Variants in SGCD observed in about 807,000 individuals in gnomAD.
SGCD encodes the protein sarcoglycan delta, also known as delta-sarcoglycan.
SGCD carries 18 observed loss-of-function variants against 36.6 expected under a neutral mutation model. The observed-to-expected ratio is 0.49, with a 90% CI of 0.34 to 0.73. The LOEUF (loss-of-function observed/expected upper bound fraction) is 0.73, where lower values mean the gene tolerates loss of function less well. Among genes scored for constraint, SGCD ranks in the 30% least tolerant of loss-of-function variants. SGCD has a pLI of 0.01. For synonymous variants in SGCD, 133 were observed against 130.6 expected, an observed-to-expected ratio of 1.02 and a Z score of -0.12; for missense variants, 387 against 346.7, an observed-to-expected ratio of 1.12 and a Z score of -0.92.
intron 3 of SGCD, among the ~76,000 whole-genome samples, chr5:156,205,352 C>G (rs1488096928): frequency 6.6e-6 from 1 of 151,794 alleles, no homozygotes; most frequent in South Asian, 2.1e-4. Flanking sequence ...CAAACAATGG[C>G]AAATAAATGA....
At chr5:155,770,997 A>G in the SGCD span, among the ~76,000 whole-genome samples, 1 of 152,032 alleles carries the variant, frequency 6.6e-6, no homozygotes, top group Non-Finnish European at 1.5e-5. Context: ...TTTTTCTTTA[A>G]CAAAAGAAGT....
intron 3 of SGCD, among the ~76,000 whole-genome samples, chr5:156,285,122 T>C (rs2127674885): frequency 6.6e-6 from 1 of 152,280 alleles, no homozygotes; most frequent in African/African-American, 2.4e-5. Flanking sequence ...ACAAGGGATA[T>C]GAAGGACCTC....
At chr5:155,879,990 G>A (rs1398634382) in intron 1 of SGCD, among the ~76,000 whole-genome samples, 1 of 152,128 alleles carries the variant, frequency 6.6e-6, no homozygotes, top group Non-Finnish European at 1.5e-5. Context: ...AGCTGGATTG[G>A]GGGAGTTTTG....
At chr5:156,213,948 T>C (rs1166025819) in intron 3 of SGCD, among the ~76,000 whole-genome samples, 1 of 151,912 alleles carries the variant, frequency 6.6e-6, no homozygotes, top group African/African-American at 2.4e-5. Flanking sequence ...ATAGAAGGAA[T>C]GTACCTCAAC....
intron 1 of SGCD, among the ~76,000 whole-genome samples, chr5:156,035,108 G>A (rs2127576731): frequency 6.6e-6 from 1 of 152,228 alleles, no homozygotes; most frequent in South Asian, 2.1e-4. Flanking sequence ...AGGAATCAAG[G>A]CTCTTCAAAG....
intron 3 of SGCD, among the ~76,000 whole-genome samples, chr5:156,406,083 G>T (rs1437179174): frequency 6.8e-6 from 1 of 146,108 alleles, no homozygotes; most frequent in East Asian, 2.1e-4. Flanking sequence ...AATTTTAGCA[G>T]CAGCTGGTCC....
At chr5:156,752,673 C>G (rs373513984) in intron 7 of SGCD, among the ~76,000 whole-genome samples, 2 of 152,130 alleles carry the variant, frequency 1.3e-5, no homozygotes, top group Non-Finnish European at 2.9e-5. Context: ...GGATTCCAGG[C>G]GTGAGCTACC....
At chr5:156,191,530 C>A (rs1490641273) in intron 3 of SGCD, among the ~76,000 whole-genome samples, 1 of 150,408 alleles carries the variant, frequency 6.6e-6, no homozygotes, top group Non-Finnish European at 1.5e-5. Flanking sequence ...TTGCATACAC[C>A]CAATAATTTG....
chr5:156,370,506 A>C (rs767452422), intron 3 of SGCD, among the ~76,000 whole-genome samples: 26 of 152,232 alleles, frequency 1.7e-4, no homozygotes, highest in African/African-American at 6.0e-4. Context: ...GAGTTTGTAC[A>C]TGAAATATTT....
At chr5:156,380,715 A>G (rs1770929905) in intron 3 of SGCD, among the ~76,000 whole-genome samples, 1 of 152,210 alleles carries the variant, frequency 6.6e-6, no homozygotes, top group African/African-American at 2.4e-5. Context: ...CATCTGTAAA[A>G]TGGGGATAGT....
intron 1 of SGCD, among the ~76,000 whole-genome samples, chr5:156,114,080 T>C (rs1353426913): frequency 6.6e-6 from 1 of 152,086 alleles, no homozygotes; most frequent in Non-Finnish European, 1.5e-5. Flanking sequence ...TGGATGCATA[T>C]CATAATACAT....
intron 1 of SGCD, among the ~76,000 whole-genome samples, chr5:156,075,126 G>A (rs1760732682): frequency 6.6e-6 from 1 of 152,000 alleles, no homozygotes; most frequent in African/African-American, 2.4e-5. Flanking sequence ...GTGTTTTTAG[G>A]TATGTACATA....
At chr5:155,879,669 T>A (rs565511650) in intron 1 of SGCD, among the ~76,000 whole-genome samples, 2 of 152,322 alleles carry the variant, frequency 1.3e-5, no homozygotes, top group South Asian at 4.1e-4. Context: ...CTCAAACTAC[T>A]ACATGATATC....
the SGCD span, among the ~76,000 whole-genome samples, chr5:155,752,469 C>A: frequency 1.3e-5 from 2 of 152,216 alleles, no homozygotes; most frequent in East Asian, 3.9e-4. Flanking sequence ...TTACTCAGGC[C>A]AATCTTTCTG....
At chr5:155,828,636 AATT>A in the SGCD span, among the ~76,000 whole-genome samples, 38 of 152,052 alleles carry the variant, frequency 2.5e-4, no homozygotes, top group African/African-American at 8.7e-4. Flanking sequence ...TTTTTCAGAA[AATT>A]ATATTACTGG....
intron 7 of SGCD, among the ~76,000 whole-genome samples, chr5:156,700,432 C>T (rs1034813552): frequency 6.6e-6 from 1 of 152,170 alleles, no homozygotes; most frequent in African/African-American, 2.4e-5. Flanking sequence ...CCAACCACAA[C>T]ATCTACCTGT....
chr5:156,501,766 G>A (rs1756463560), intron 3 of SGCD, among the ~76,000 whole-genome samples: 1 of 152,180 alleles, frequency 6.6e-6, no homozygotes, highest in Admixed American at 6.5e-5. Context: ...AGTCACTGGT[G>A]ATCCTGCGAT....
chr5:156,416,087 C>T (rs1312702380), intron 3 of SGCD, among the ~76,000 whole-genome samples: 2 of 152,168 alleles, frequency 1.3e-5, no homozygotes, highest in Non-Finnish European at 2.9e-5. Flanking sequence ...AATTTGTCCT[C>T]CTTTTAACTA....
At chr5:156,689,595 G>A (rs1233179941) in intron 7 of SGCD, among the ~76,000 whole-genome samples, 1 of 152,156 alleles carries the variant, frequency 6.6e-6, no homozygotes, top group African/African-American at 2.4e-5. Context: ...CTGGATCACA[G>A]AAGAATGAGA....
Sources: gnomAD v4.1 joint callset for allele counts (sites outside exome capture counted in the v4.1 genomes callset) on GRCh38, gnomAD v4.1.1 for gene constraint, MANE v1.5 for transcripts, NCBI Gene and HGNC (gene_info 2026-07-23, HGNC 2026-07-21) for gene names.